The following GAN variants were observed in gnomAD, a reference collection of about 807,000 sequenced individuals.
GAN encodes the protein epididymis secretory sperm binding protein.
GAN carries 48 observed loss-of-function variants against 71.3 expected under a neutral mutation model. The ratio of observed to expected loss-of-function variants is 0.67; its 90% CI spans 0.53 to 0.86. GAN has a LOEUF of 0.86. GAN is among the 40% of genes least tolerant of loss of function. The probability of loss-of-function intolerance (pLI) is 0.00; values close to 1 mark genes in which losing one functional copy is unlikely to be tolerated. For missense variants in GAN, 928 were observed against 770.1 expected, an observed-to-expected ratio of 1.21 and a Z score of -2.43; for synonymous variants, 386 against 276.8, an observed-to-expected ratio of 1.39 and a Z score of -3.92.
chr16:81,346,466 C>T (rs1407118113), intron 1 of GAN, among the ~76,000 whole-genome samples: 12 of 152,266 alleles, frequency 7.9e-5, no homozygotes, highest in Admixed American at 2.6e-4. Flanking sequence ...GCCTGAGCTC[C>T]GCCTCCTGTC....
intron 5 of GAN, among the ~76,000 whole-genome samples, chr16:81,359,128 A>G (rs145410190): frequency 1.9e-4 from 29 of 152,302 alleles, no homozygotes; most frequent in Non-Finnish European, 4.0e-4. Flanking sequence ...GAAGAGCTGG[A>G]CAGAGTAGTA....
rs767079895 is a variant in GAN, at chr16:81,363,778, G to A, written c.1087-16G>A. ...CATTGGCCTTGTGTGTTCAGGGATC[G>A]CTAATGTAATTTCAGGCAAGACATA... On this transcript the variant is annotated splice_polypyrimidine_tract_variant and intron_variant, in intron 6 of 10. Transcript: ENST00000648994. 36 of 1,611,390 alleles carry A rather than the reference G, an allele frequency of 2.2e-5. 1 individual carries two copies. Among genetic ancestry groups the A allele is most frequent in the African/African-American group, 1.2e-4 (9 of 74,936 alleles).
At chr16:81,336,723 C>T (rs894728545) in intron 1 of GAN, among the ~76,000 whole-genome samples, 1 of 151,942 alleles carries the variant, frequency 6.6e-6, no homozygotes, top group Non-Finnish European at 1.5e-5. Context: ...AGTGATTCTC[C>T]CACCTCGGCC....
Position 81,315,231 on chromosome 16 carries a change from G to T in GAN, c.118G>T (p.Glu40Ter). The change falls in exon 1 of 11, where the codon GAG becomes TAG. Residue 40 changes from glutamate (E) to a stop codon, truncating the protein, a stop_gained. Transcript: ENST00000648994. LOFTEE classifies it high-confidence loss of function. ...CGCGCACCTGGTCCTCGACGGGGAG[G>T]AGATCCCGGTGCAGAAGAACATCCT... ...CDAHLVLDGE[E>*]IPVQKNILAA... 14 of 1,583,534 alleles carry T rather than the reference G, an allele frequency of 8.8e-6. No homozygotes were observed. The highest frequency in any genetic ancestry group is 1.2e-5 in the Non-Finnish European group (14 of 1,166,996).
chr16:81,390,791 T>C lies in GAN; in HGVS notation c.*13195T>C, dbSNP rs1430741686. On this transcript the variant is annotated 3_prime_UTR_variant, in exon 11 of 11. Transcript: ENST00000648994. ...AAGCTGTTTAATTAACCTAATAAAATAATTTGATGGGGAAGGCATTCTAAT... is the reference window on the plus strand; with the variant it reads ...AAGCTGTTTAATTAACCTAATAAAACAATTTGATGGGGAAGGCATTCTAAT... 2.0e-5 allele frequency: 3 copies of C among 152,210 alleles called. No homozygotes were observed. The highest frequency in any genetic ancestry group is 6.5e-5 in the Admixed American group (1 of 15,278). 9.4% of individuals were successfully genotyped at this position (152,210 alleles called of 1,614,324 possible). A position where few individuals can be genotyped will look rare whatever the true frequency, so the allele number is the denominator to read the frequency against.
At position 81,323,720 on chromosome 16, in the gene GAN, A is replaced by G. The variant is rs74031610; in HGVS notation, c.167+8440A>G. On this transcript the variant is annotated intron_variant, in intron 1 of 10. Transcript: ENST00000648994. ...AACTCAAGACATCTCAGCAGCATCT[A>G]TGTACTGGCAAGATGGTGGCAACGA... Among the ~76,000 whole-genome samples, 349 of 152,334 alleles carry G rather than the reference A, an allele frequency of 2.3e-3. 2 individuals are homozygous for G. Among genetic ancestry groups the G allele is most frequent in the African/African-American group, 7.1e-3 (296 of 41,576 alleles).
rs763609924 is a variant in GAN, at chr16:81,357,882, A to T, written c.924A>T (p.Glu308Asp). Reference protein sequence around the residue: ...LYDPNRQLWIELAPLSMPRIN... With the variant: ...LYDPNRQLWIDLAPLSMPRIN... Reference sequence around the variant, plus strand: ...ACCCTAACAGGCAGCTTTGGATCGAACTGGCCCCTTTAAGCATGCCGAGAA... The same window carrying T: ...ACCCTAACAGGCAGCTTTGGATCGATCTGGCCCCTTTAAGCATGCCGAGAA... The change falls in exon 5 of 11, where the codon GAA (glutamate) becomes GAT (aspartate). Residue 308 changes from glutamate (E) to aspartate (D), a missense_variant. Transcript: ENST00000648994. 5 of 1,613,802 alleles carry T rather than the reference A, an allele frequency of 3.1e-6. No homozygotes were observed. The highest frequency in any genetic ancestry group is 4.2e-6 in the Non-Finnish European group (5 of 1,179,814).
intron 1 of GAN, among the ~76,000 whole-genome samples, chr16:81,349,980 G>C (rs1910244571): frequency 6.6e-6 from 1 of 151,626 alleles, no homozygotes; most frequent in Non-Finnish European, 1.5e-5. Flanking sequence ...AATTTTCTTA[G>C]TAAAAAATAA....
intron 1 of GAN, among the ~76,000 whole-genome samples, chr16:81,331,816 G>A (rs572026351): frequency 1.1e-3 from 161 of 152,292 alleles, no homozygotes; most frequent in African/African-American, 3.7e-3. Context: ...CCCAGACTGG[G>A]GTCTTCAGTA....
chr16:81,364,056 A>C, intron 7 of GAN, 113 bp downstream of exon 7: 1 of 866,654 alleles, frequency 1.2e-6, no homozygotes, highest in Non-Finnish European at 2.0e-6. Context: ...AAAAGAATTA[A>C]CTTTATAGAA....
In GAN at chr16:81,362,037, C is replaced by T. The variant is rs138560154; in HGVS notation, c.974-462C>T. On this transcript the variant is annotated intron_variant, in intron 5 of 10. Coordinates refer to ENST00000648994, the MANE Select transcript of GAN (RefSeq NM_022041.4). ...TTTTTTGCAGAAGAATAACCTAATACGCCATTACATGAAATCGGAAGTTCA... is the reference window on the plus strand; with the variant it reads ...TTTTTTGCAGAAGAATAACCTAATATGCCATTACATGAAATCGGAAGTTCA... Among the ~76,000 whole-genome samples the T allele has an allele frequency of 3.6e-3, 547 of 152,270 alleles. 5 individuals are homozygous for T. Among genetic ancestry groups the T allele is most frequent in the African/African-American group, 0.012 (509 of 41,546 alleles).
At chr16:81,325,581 G>A (rs1909358307) in intron 1 of GAN, among the ~76,000 whole-genome samples, 1 of 152,190 alleles carries the variant, frequency 6.6e-6, no homozygotes. Flanking sequence ...TAGTTGCTGT[G>A]TATCTACAGG....
At position 81,354,535 on chromosome 16, in the gene GAN, GT is replaced by G; in HGVS notation, c.414del (p.Asp139ThrfsTer33). The G allele has an allele frequency of 6.2e-7, 1 of 1,613,984 alleles. No individual in the cohort carries two copies. Among genetic ancestry groups the G allele is most frequent in the Non-Finnish European group, 8.5e-7 (1 of 1,179,890 alleles). ...CIAAENCIGI[R>X]DFALHYCLHH... Reference sequence around the variant, plus strand: ...GCTGCTGAGAACTGTATTGGTATCCGTGACTTTGCACTACATTACTGCCTCC... The same window carrying G: ...GCTGCTGAGAACTGTATTGGTATCCGGACTTTGCACTACATTACTGCCTCC... On this transcript the variant is annotated frameshift_variant, in exon 3 of 11. Transcript: ENST00000648994. LOFTEE classifies it high-confidence loss of function.
chr16:81,358,915 C>T (rs1422638352), intron 5 of GAN, among the ~76,000 whole-genome samples: 1 of 152,112 alleles, frequency 6.6e-6, no homozygotes, highest in Non-Finnish European at 1.5e-5. Context: ...ATTGTGTTTG[C>T]TTGCCCAGCA....
At chr16:81,317,238 C>T (rs893676220) in intron 1 of GAN, among the ~76,000 whole-genome samples, 15 of 152,232 alleles carry the variant, frequency 9.9e-5, no homozygotes, top group African/African-American at 3.4e-4. Context: ...TGAATGACTG[C>T]CTTTCTTTCT....
intron 1 of GAN, among the ~76,000 whole-genome samples, chr16:81,324,358 G>T (rs142718747): frequency 1.1e-3 from 164 of 152,188 alleles, no homozygotes; most frequent in African/African-American, 3.9e-3. Flanking sequence ...GATGAGCATG[G>T]CTGCTGCTGT....
At chr16:81,340,511 C>G (rs890726363) in intron 1 of GAN, among the ~76,000 whole-genome samples, 2 of 152,124 alleles carry the variant, frequency 1.3e-5, no homozygotes, top group Non-Finnish European at 2.9e-5. Flanking sequence ...GAATGGACCT[C>G]CAGCAAACCC....
rs573193272 is a variant in GAN at position 81,385,414 on chromosome 16, T to C, written c.*7818T>C. On this transcript the variant is annotated 3_prime_UTR_variant, in exon 11 of 11. Coordinates refer to ENST00000648994, the MANE Select transcript of GAN (RefSeq NM_022041.4). ...CATAGGCCTTGGTGGCAGGTGCATCTGGGCTTGGGGGCTTCTGCCACACTT... is the reference window on the plus strand; with the variant it reads ...CATAGGCCTTGGTGGCAGGTGCATCCGGGCTTGGGGGCTTCTGCCACACTT... 39 of 152,362 alleles carry C rather than the reference T, an allele frequency of 2.6e-4. No homozygotes were observed. Among genetic ancestry groups the C allele is most frequent in the African/African-American group, 9.1e-4 (38 of 41,582 alleles). 9.4% of individuals were successfully genotyped at this position (152,362 alleles called of 1,614,324 possible).
At position 81,372,949 on chromosome 16, in the gene GAN, G is replaced by A. The variant is rs547023588; in HGVS notation, c.1503-4270G>A. On this transcript the variant is annotated intron_variant, in intron 9 of 10. Coordinates refer to ENST00000648994, the MANE Select transcript of GAN (RefSeq NM_022041.4). ...GGCCAAAATCTGTATCCCAGTCCCA[G>A]CAGACTACCTGACACCCATCAACAT... 2.6e-5 allele frequency among the ~76,000 whole-genome samples: 4 copies of A among 152,304 alleles called. No individual in the cohort carries two copies. The South Asian group carries it at 8.3e-4, about 32-fold the overall frequency.
Sources: gnomAD v4.1 joint callset for allele counts (sites outside exome capture counted in the v4.1 genomes callset) on GRCh38, gnomAD v4.1.1 for gene constraint, MANE v1.5 for transcripts, NCBI Gene and HGNC (gene_info 2026-07-23, HGNC 2026-07-21) for gene names.